Variants in MYO7B observed in about 807,000 individuals in gnomAD.
MYO7B encodes the protein myosin VIIB.
MYO7B carries 212 observed loss-of-function variants against 259.7 expected under a neutral mutation model. The ratio of observed to expected loss-of-function variants is 0.82; its 90% CI spans 0.73 to 0.91. MYO7B has a LOEUF of 0.91. Ranked by LOEUF, MYO7B falls within the 40% of genes least tolerant of loss-of-function variation. The pLI is 0.00. For missense variants in MYO7B, 2,732 were observed against 2,813.5 expected (o/e 0.97, Z 0.66); for synonymous variants, 1,197 against 1,166.4 (o/e 1.03, Z -0.54).
At chr2:127,560,137 C>T (rs1255181435) in intron 2 of MYO7B, among the ~76,000 whole-genome samples, 1 of 151,796 alleles carries the variant, frequency 6.6e-6, no homozygotes, top group Non-Finnish European at 1.5e-5. Context: ...AGCGATCTTC[C>T]AGCCTCAGTC....
chr2:127,620,136 G>A (rs1323355268), intron 26 of MYO7B: 11 of 497,428 alleles, frequency 2.2e-5, no homozygotes, highest in Non-Finnish European at 3.5e-5. Flanking sequence ...GAGAGCACAG[G>A]CCATGGGAGA....
intron 47 of MYO7B, 95 bp downstream of exon 47, chr2:127,637,008 G>A: frequency 3.9e-6 from 6 of 1,554,056 alleles, no homozygotes; most frequent in African/African-American, 1.4e-5. Context: ...GGCTCACTAA[G>A]AGGGCTCAGT....
At chr2:127,564,823 TAAC>T (rs1678261955) in intron 3 of MYO7B, among the ~76,000 whole-genome samples, 1 of 152,222 alleles carries the variant, frequency 6.6e-6, no homozygotes. Flanking sequence ...AGTAAAATAA[TAAC>T]AATATCTTCT....
chr2:127,618,323 A>AT (rs1680668101), intron 26 of MYO7B, among the ~76,000 whole-genome samples: 1 of 152,242 alleles, frequency 6.6e-6, no homozygotes, highest in South Asian at 2.1e-4. Flanking sequence ...CCAGGGGAAG[A>AT]AAAAGGGCTC....
At position 127,631,321 on chromosome 2, in the gene MYO7B, G is replaced by A. The variant is rs749604270; in HGVS notation, c.5053G>A (p.Ala1685Thr). 8.7e-6 allele frequency: 14 copies of A among 1,611,792 alleles called. No homozygotes were observed. Among genetic ancestry groups the A allele is most frequent in the South Asian group, 5.5e-5 (5 of 91,042 alleles). ...LRQPLLKRVH[A>T]NVDLWDIACQ... Reference sequence around the variant, plus strand: ...ACAGCCGCTGCTCAAGCGAGTCCACGCCAACGTCGACCTCTGGGACATCGC... The same window carrying A: ...ACAGCCGCTGCTCAAGCGAGTCCACACCAACGTCGACCTCTGGGACATCGC... Residue 1685 changes from alanine to threonine, a missense_variant, in exon 37 of 48, where the codon GCC (alanine) becomes ACC (threonine). Ala to Thr is a moderately conservative substitution (Grantham distance 58). This residue lies in a region of MYO7B where 821 missense variants were observed against 769.3 expected (regional missense o/e 1.07). Transcript: ENST00000409816.
chr2:127,625,345 C>T (rs373157092), intron 30 of MYO7B, 23 bp from the exon 31 acceptor site: 76 of 1,501,578 alleles, frequency 5.1e-5, no homozygotes, highest in Middle Eastern at 1.9e-4. Context: ...CACTCGCCCC[C>T]GTGGGTGCCC....
In MYO7B at chr2:127,577,544, C is replaced by T. The variant is rs1678920245; in HGVS notation, c.850-589C>T. Among the ~76,000 whole-genome samples, 1 of 152,010 alleles carries T rather than the reference C, an allele frequency of 6.6e-6. No individual in the cohort carries two copies. Among genetic ancestry groups the T allele is most frequent in the Non-Finnish European group, 1.5e-5 (1 of 67,954 alleles). On this transcript the variant is annotated intron_variant, in intron 8 of 47. Transcript: ENST00000409816. The surrounding 1 kb of genome is among the most constrained non-coding windows in gnomAD (Gnocchi z 5.2). ...GACCTCTCCCTTCTCAACACCCACC[C>T]CAGCCTCCCCGCAGCCCTGTCCCTG... is the stretch of plus-strand genomic sequence containing the variant.
At chr2:127,545,510 A>G (rs1318481499) in intron 1 of MYO7B, among the ~76,000 whole-genome samples, 2 of 152,242 alleles carry the variant, frequency 1.3e-5, no homozygotes, top group African/African-American at 2.4e-5. Context: ...TCTCTGAGAG[A>G]CAAGTCGGGG....
Position 127,635,127 on chromosome 2 carries a change from C to CG in MYO7B, c.5722dup (p.Val1908GlyfsTer71). ...CTGCTGGCCCTCGCCCAGGGGCCCC[C>CG]GTGACGCTCCCCTACCAGGTGTACT... On this transcript the variant is annotated frameshift_variant, in exon 43 of 48. Transcript: ENST00000409816. LOFTEE classifies it high-confidence loss of function. The CG allele has an allele frequency of 6.2e-7, 1 of 1,612,116 alleles. No homozygotes were observed. Among genetic ancestry groups the CG allele is most frequent in the Non-Finnish European group, 8.5e-7 (1 of 1,179,282 alleles).
At chr2:127,544,575 A>ATTTTT (rs35578661) in intron 1 of MYO7B, among the ~76,000 whole-genome samples, 3 of 103,148 alleles carry the variant, frequency 2.9e-5, no homozygotes, top group African/African-American at 3.9e-5. Flanking sequence ...CGTCTGGCTA[A>ATTTTT]TTTTTTTTTT....
rs368862072 is a variant in MYO7B at position 127,631,198 on chromosome 2, C to G, written c.4938-8C>G. ...GGGCAGGCCTCACACCAGCCTCTAACCTCACAGGGCTCCAGAGAAGGACAT... is the reference window on the plus strand; with the variant it reads ...GGGCAGGCCTCACACCAGCCTCTAAGCTCACAGGGCTCCAGAGAAGGACAT... On this transcript the variant is annotated splice_polypyrimidine_tract_variant and splice_region_variant and intron_variant, in intron 36 of 47. Transcript: ENST00000409816. 148 of 1,591,332 alleles carry G rather than the reference C, an allele frequency of 9.3e-5. No homozygotes were observed. Among genetic ancestry groups the G allele is most frequent in the Non-Finnish European group, 1.2e-4 (143 of 1,164,950 alleles).
At chr2:127,589,541 TG>T (rs1305579155) in intron 15 of MYO7B, among the ~76,000 whole-genome samples, 3 of 148,180 alleles carry the variant, frequency 2.0e-5, no homozygotes, top group African/African-American at 7.5e-5. Context: ...AGTGGGGCCA[TG>T]GGTGGATGGG....
chr2:127,580,987 G>A (rs1679077181), intron 10 of MYO7B, among the ~76,000 whole-genome samples, 165 bp downstream of exon 10: 1 of 152,222 alleles, frequency 6.6e-6, no homozygotes, highest in African/African-American at 2.4e-5. Context: ...GCCTGAGGGT[G>A]GGCGCAGAGT....
chr2:127,582,766 T>G (rs1679156052), intron 12 of MYO7B, among the ~76,000 whole-genome samples: 1 of 152,240 alleles, frequency 6.6e-6, no homozygotes, highest in Non-Finnish European at 1.5e-5. Flanking sequence ...TGGATTCATC[T>G]GCATCTGGCT....
At position 127,559,698 on chromosome 2, in the gene MYO7B, A is replaced by G. The variant is rs759333392; in HGVS notation, c.-23-2A>G. 3.1e-6 allele frequency: 5 copies of G among 1,613,956 alleles called. No individual in the cohort carries two copies. Among genetic ancestry groups the G allele is most frequent in the Admixed American group, 3.3e-5 (2 of 60,028 alleles). ...GACGTTCTGCTTTCTCTCTCCATACAGGCTTGTGGAACTGCTGACTCAGGA... is the reference window on the plus strand; with the variant it reads ...GACGTTCTGCTTTCTCTCTCCATACGGGCTTGTGGAACTGCTGACTCAGGA... On this transcript the variant is annotated splice_acceptor_variant, in intron 1 of 47. Transcript: ENST00000409816. LOFTEE classifies it low-confidence loss of function (5UTR_SPLICE). This position sits in a 1 kb window ranked among gnomAD's most constrained non-coding sequence, Gnocchi z 4.1.
intron 1 of MYO7B, among the ~76,000 whole-genome samples, chr2:127,557,992 G>T (rs139465613): frequency 6.6e-6 from 1 of 152,104 alleles, no homozygotes; most frequent in Non-Finnish European, 1.5e-5. Context: ...AAGATAAATA[G>T]GTGGGACTTA....
chr2:127,554,696 C>G (rs1326155518), intron 1 of MYO7B, among the ~76,000 whole-genome samples: 1 of 152,118 alleles, frequency 6.6e-6, no homozygotes, highest in South Asian at 2.1e-4. Flanking sequence ...AGCTGTGAAT[C>G]TGTCTGGTTC....
At chr2:127,545,563 A>G (rs1224524148) in intron 1 of MYO7B, among the ~76,000 whole-genome samples, 3 of 152,194 alleles carry the variant, frequency 2.0e-5, no homozygotes, top group African/African-American at 7.2e-5. Flanking sequence ...ACAGCATAGA[A>G]CGAGGCTCTG....
rs1680284642 is a variant in MYO7B at position 127,609,320 on chromosome 2, GA to G, written c.2815-185del. The stretch of plus-strand genomic sequence containing the variant: ...GCCCCTGCCCGGCAGGGTGTGTAGA[GA>G]GCCCTGTGCTGGCACACGGCAGCCC... On this transcript the variant is annotated intron_variant, in intron 22 of 47. Coordinates refer to ENST00000409816, the MANE Select transcript of MYO7B (RefSeq NM_001393586.1). The surrounding 1 kb of genome is among the most constrained non-coding windows in gnomAD (Gnocchi z 6.9). Among the ~76,000 whole-genome samples the G allele has an allele frequency of 1.3e-5, 2 of 151,948 alleles. No homozygotes were observed. Among genetic ancestry groups the G allele is most frequent in the South Asian group, 4.2e-4 (2 of 4,796 alleles).
Sources: allele counts gnomAD v4.1 joint callset (sites outside exome capture counted in the v4.1 genomes callset), GRCh38; gene constraint gnomAD v4.1.1; regional missense constraint gnomAD v4.1.1; non-coding constraint Gnocchi (gnomAD v3.1); transcripts MANE v1.5; gene names NCBI Gene and HGNC (gene_info 2026-07-23, HGNC 2026-07-21).